LYPD6: variants seen among roughly 807,000 people sequenced by gnomAD.
LYPD6 encodes the protein LY6/PLAUR domain containing 6, also known as ly6/PLAUR domain-containing protein 6.
A neutral mutation model predicts 22.7 loss-of-function variants in LYPD6; 15 were observed. The observed-to-expected ratio is 0.66, with a 90% confidence interval of 0.44 to 1.02. The LOEUF (loss-of-function observed/expected upper bound fraction) is 1.02, where lower values mean the gene tolerates loss of function less well. Among genes scored for constraint, LYPD6 ranks in the 50% least tolerant of loss-of-function variants. The pLI is 0.00. For missense variants in LYPD6, 189 were observed against 208.4 expected, an observed-to-expected ratio of 0.91 and a Z score of 0.57; for synonymous variants, 72 against 77.5, an observed-to-expected ratio of 0.93 and a Z score of 0.37.
intron 1 of LYPD6, among the ~76,000 whole-genome samples, chr2:149,343,447 C>T (rs1270180186): frequency 6.6e-6 from 1 of 152,202 alleles, no homozygotes; most frequent in Non-Finnish European, 1.5e-5. Flanking sequence ...TTCCAAATTT[C>T]TGCCACTCCC....
chr2:149,366,557 A>C (rs927602933), intron 1 of LYPD6, among the ~76,000 whole-genome samples: 2 of 152,174 alleles, frequency 1.3e-5, no homozygotes, highest in Admixed American at 6.5e-5. Flanking sequence ...AAGAACAAGG[A>C]TGGCAAGAAG....
intron 1 of LYPD6, among the ~76,000 whole-genome samples, chr2:149,416,529 C>A (rs1490889159): frequency 1.3e-5 from 2 of 152,174 alleles, no homozygotes; most frequent in South Asian, 2.1e-4. Flanking sequence ...CACAAAGAAT[C>A]CAGGGTGCCC....
rs572453147 is a variant in LYPD6, at chr2:149,423,979, G to A, written c.-71-13659G>A. On this transcript the variant is annotated intron_variant, in intron 1 of 4. Coordinates refer to ENST00000334166, the MANE Select transcript of LYPD6 (RefSeq NM_194317.5). ...CAGAACCCTTTGCTGGTCCAATCCA[G>A]CCCTGATAAAAGTATTACTCAAAGA... Among the ~76,000 whole-genome samples, 3 of 134,256 alleles carry A rather than the reference G, an allele frequency of 2.2e-5. No homozygotes were observed. In the South Asian group the frequency reaches 6.7e-4, roughly 30 times the overall value. 88.1% of individuals were successfully genotyped at this position (134,256 alleles called of 152,430 possible). A position where few individuals can be genotyped will look rare whatever the true frequency, so the allele number is the denominator to read the frequency against.
chr2:149,347,686 ACTAT>A (rs1681282799), intron 1 of LYPD6, among the ~76,000 whole-genome samples: 1 of 152,110 alleles, frequency 6.6e-6, no homozygotes, highest in Admixed American at 6.6e-5. Context: ...CACTTAAGAA[ACTAT>A]CTCTTATTGG....
At chr2:149,387,844 G>C (rs923174524) in intron 1 of LYPD6, among the ~76,000 whole-genome samples, 3 of 152,212 alleles carry the variant, frequency 2.0e-5, no homozygotes, top group Admixed American at 2.0e-4. Flanking sequence ...TTTGCATGTA[G>C]TGCATAAAAC....
chr2:149,472,785 C>T lies in LYPD6; in HGVS notation c.*1935C>T, dbSNP rs996558557. ...CCAAATGAAGGTACCAAAGCTCAAA[C>T]GCAATGTTGTGAAGCTGTTTCCTTC... On this transcript the variant is annotated 3_prime_UTR_variant, in exon 5 of 5. Transcript: ENST00000334166. The T allele has an allele frequency of 1.3e-5, 2 of 152,558 alleles. No individual in the cohort carries two copies. Among genetic ancestry groups the T allele is most frequent in the African/African-American group, 2.4e-5 (1 of 41,436 alleles). 9.5% of individuals were successfully genotyped at this position (152,558 alleles called of 1,614,324 possible).
At chr2:149,478,379 TG>T (rs1558822851), downstream of LYPD6, among the ~76,000 whole-genome samples, 11 of 51,160 alleles carry the variant, frequency 2.2e-4, no homozygotes, top group Admixed American at 1.6e-3. Flanking sequence ...TATATAGAGG[TG>T]TGTGTGTGTG....
intron 3 of LYPD6, among the ~76,000 whole-genome samples, chr2:149,468,199 T>C (rs145458194): frequency 0.019 from 2,597 of 138,334 alleles, 32 homozygotes; most frequent in Middle Eastern, 0.042. Flanking sequence ...CAGCCACTGC[T>C]GTAGTGTTTT....
chr2:149,402,764 T>C (rs1682590185), intron 1 of LYPD6, among the ~76,000 whole-genome samples: 1 of 152,086 alleles, frequency 6.6e-6, no homozygotes, highest in East Asian at 1.9e-4. Flanking sequence ...AGTTTTAGGG[T>C]ACATGTGCAC....
At chr2:149,464,737 G>A (rs936760159) in intron 3 of LYPD6, among the ~76,000 whole-genome samples, 1 of 152,266 alleles carries the variant, frequency 6.6e-6, no homozygotes, top group South Asian at 2.1e-4. Flanking sequence ...AAGAAACAAT[G>A]AGGTCCGGAA....
intron 1 of LYPD6, among the ~76,000 whole-genome samples, chr2:149,407,484 G>C (rs1053372342): frequency 6.6e-5 from 10 of 151,872 alleles, no homozygotes; most frequent in East Asian, 1.9e-4. Context: ...TCATTCATTT[G>C]ATCTTCCATC....
intron 2 of LYPD6, among the ~76,000 whole-genome samples, 161 bp from the exon 3 acceptor site, chr2:149,448,888 T>C (rs891348877): frequency 1.3e-5 from 2 of 152,246 alleles, no homozygotes; most frequent in Non-Finnish European, 2.9e-5. Flanking sequence ...CAGGGACAGA[T>C]GCCCAAGAGT....
chr2:149,427,672 G>A (rs752000039), intron 1 of LYPD6, among the ~76,000 whole-genome samples: 3 of 152,178 alleles, frequency 2.0e-5, no homozygotes, highest in Non-Finnish European at 4.4e-5. Context: ...AGTGGACTGC[G>A]TGTCCAACAG....
intron 1 of LYPD6, among the ~76,000 whole-genome samples, chr2:149,420,783 C>G (rs1210122240): frequency 6.6e-6 from 1 of 152,114 alleles, no homozygotes; most frequent in African/African-American, 2.4e-5. Context: ...TGTGATTATG[C>G]GGGACTGCTA....
Position 149,449,249 on chromosome 2 carries a change from G to C in LYPD6, c.217+102G>C, listed in dbSNP as rs1008376844. 30 of 690,086 alleles carry C rather than the reference G, an allele frequency of 4.3e-5. No individual in the cohort carries two copies. The Admixed American group carries it at 7.9e-4, about 18-fold the overall frequency. 42.7% of individuals were successfully genotyped at this position (690,086 alleles called of 1,614,324 possible). A position where few individuals can be genotyped will look rare whatever the true frequency, so the allele number is the denominator to read the frequency against. On this transcript the variant is annotated intron_variant, in intron 3 of 4. Coordinates refer to ENST00000334166, the MANE Select transcript of LYPD6 (RefSeq NM_194317.5). Reference sequence around the variant, plus strand: ...AAAGAGAGGCATGCTTGCAATCTCAGCTGCTCCTCTTGTCTAAGGCTATTA... The same window carrying C: ...AAAGAGAGGCATGCTTGCAATCTCACCTGCTCCTCTTGTCTAAGGCTATTA...
At chr2:149,372,270 C>T (rs186122170) in intron 1 of LYPD6, among the ~76,000 whole-genome samples, 4 of 152,310 alleles carry the variant, frequency 2.6e-5, no homozygotes, top group South Asian at 2.1e-4. Context: ...TAAGACCTTA[C>T]GCCTGATAAA....
chr2:149,477,267 G>A (rs561598150), downstream of LYPD6, among the ~76,000 whole-genome samples: 1 of 152,142 alleles, frequency 6.6e-6, no homozygotes, highest in South Asian at 2.1e-4. Context: ...CTGAGACCAC[G>A]TGAGATGTGC....
rs183078440 is a variant in LYPD6 at position 149,416,338 on chromosome 2, C to T, written c.-71-21300C>T. Among the ~76,000 whole-genome samples, 11 of 152,276 alleles carry T rather than the reference C, an allele frequency of 7.2e-5. No individual in the cohort carries two copies. In the East Asian group the frequency reaches 1.9e-3, roughly 27 times the overall value. Reference sequence around the variant, plus strand: ...GGAATGAAACCTTTGTAGTCATGCCCTTCAGAGGCTGGGATTGCTGCATGT... The same window carrying T: ...GGAATGAAACCTTTGTAGTCATGCCTTTCAGAGGCTGGGATTGCTGCATGT... On this transcript the variant is annotated intron_variant, in intron 1 of 4. Transcript: ENST00000334166.
At chr2:149,467,260 C>T (rs1681221072) in intron 3 of LYPD6, among the ~76,000 whole-genome samples, 1 of 152,230 alleles carries the variant, frequency 6.6e-6, no homozygotes, top group Admixed American at 6.5e-5. Context: ...ATCCAACTAA[C>T]AATTCCAGCC....
Sources: gnomAD v4.1 joint callset for allele counts (sites outside exome capture counted in the v4.1 genomes callset) on GRCh38, gnomAD v4.1.1 for gene constraint, MANE v1.5 for transcripts, NCBI Gene and HGNC (gene_info 2026-07-23, HGNC 2026-07-21) for gene names.